Variants in DAB2IP observed in about 807,000 individuals in gnomAD.
The protein encoded by DAB2IP is disabled homolog 2-interacting protein.
DAB2IP carries 28 observed loss-of-function variants against 107.2 expected under a neutral mutation model. The ratio of observed to expected loss-of-function variants is 0.26; its 90% CI spans 0.19 to 0.36. DAB2IP has a LOEUF of 0.36. DAB2IP is among the 10% of genes least tolerant of loss of function. DAB2IP has a pLI of 1.00. For synonymous variants in DAB2IP, 755 were observed against 706.4 expected, an observed-to-expected ratio of 1.07 and a Z score of -1.09; for missense variants, 1,400 against 1,644.7, an observed-to-expected ratio of 0.85 and a Z score of 2.57.
intron 2 of DAB2IP, among the ~76,000 whole-genome samples, chr9:121,697,931 G>A (rs142925688): frequency 6.6e-6 from 1 of 152,348 alleles, no homozygotes; most frequent in Non-Finnish European, 1.5e-5. Flanking sequence ...TTACCTGTCT[G>A]AGCAAGCTTC....
chr9:121,768,878 C>T (rs1269778799), intron 10 of DAB2IP, among the ~76,000 whole-genome samples: 2 of 152,232 alleles, frequency 1.3e-5, no homozygotes, highest in African/African-American at 4.8e-5. Context: ...TCCGCATGCA[C>T]TCAGCCTTTA....
At chr9:121,642,515 G>A (rs1185310289) in intron 1 of DAB2IP, among the ~76,000 whole-genome samples, 5 of 136,924 alleles carry the variant, frequency 3.7e-5, no homozygotes, top group Admixed American at 7.7e-5. Context: ...TGTAGAGACA[G>A]GGTCTCACTG....
At chr9:121,681,396 G>A (rs1400644231) in intron 2 of DAB2IP, among the ~76,000 whole-genome samples, 1 of 152,162 alleles carries the variant, frequency 6.6e-6, no homozygotes, top group African/African-American at 2.4e-5. Context: ...TGTTTTCCCT[G>A]TAGTGGTGTC....
intron 1 of DAB2IP, among the ~76,000 whole-genome samples, chr9:121,669,472 T>C (rs1833586945): frequency 6.6e-6 from 1 of 151,908 alleles, no homozygotes. Flanking sequence ...TCTCAGAAAG[T>C]GTGTGTTAGG....
intron 3 of DAB2IP, among the ~76,000 whole-genome samples, chr9:121,716,943 A>G (rs1457371824): frequency 6.6e-6 from 1 of 152,150 alleles, no homozygotes; most frequent in Non-Finnish European, 1.5e-5. Context: ...AGTGAGTGGG[A>G]ACTCTGTCTC....
At chr9:121,728,437 G>C (rs1831350981) in intron 3 of DAB2IP, among the ~76,000 whole-genome samples, 3 of 152,206 alleles carry the variant, frequency 2.0e-5, no homozygotes, top group African/African-American at 7.2e-5. Context: ...TTTGCTAGTT[G>C]CGTGAATTTG....
chr9:121,712,414 A>G (rs915914466), intron 3 of DAB2IP, among the ~76,000 whole-genome samples: 3 of 152,202 alleles, frequency 2.0e-5, no homozygotes, highest in African/African-American at 7.2e-5. Context: ...GGTAAGAGCA[A>G]TGAGGGCCAG....
upstream of DAB2IP, among the ~76,000 whole-genome samples, chr9:121,647,230 C>A (rs1305795030): frequency 6.6e-6 from 1 of 152,192 alleles, no homozygotes; most frequent in Non-Finnish European, 1.5e-5. Context: ...ATCATCCCCC[C>A]TGTACAGAAT....
chr9:121,597,580 T>G (rs796396747), intron 1 of DAB2IP, among the ~76,000 whole-genome samples: 7 of 152,336 alleles, frequency 4.6e-5, no homozygotes, highest in Admixed American at 2.0e-4. Context: ...AGTAGAAACT[T>G]GTGTTCACCT....
chr9:121,609,526 C>G (rs548451204), intron 1 of DAB2IP, among the ~76,000 whole-genome samples: 250 of 152,352 alleles, frequency 1.6e-3, no homozygotes, highest in Middle Eastern at 3.4e-3. Flanking sequence ...TCCAGCAACA[C>G]TGACCTTTTC....
chr9:121,700,014 C>G (rs1049782078), intron 3 of DAB2IP, among the ~76,000 whole-genome samples: 1 of 152,210 alleles, frequency 6.6e-6, no homozygotes, highest in Non-Finnish European at 1.5e-5. Flanking sequence ...TGGGGGCTGG[C>G]GCTAGCAGAG....
chr9:121,756,245 G>A (rs1833468414), intron 3 of DAB2IP, among the ~76,000 whole-genome samples: 1 of 152,228 alleles, frequency 6.6e-6, no homozygotes, highest in African/African-American at 2.4e-5. Context: ...GCTCAGAGGA[G>A]AACGATTTCC....
At chr9:121,680,696 C>T (rs1430129789) in intron 2 of DAB2IP, among the ~76,000 whole-genome samples, 1 of 152,146 alleles carries the variant, frequency 6.6e-6, no homozygotes. Flanking sequence ...CTACTGTGTG[C>T]CAGGCACTGG....
Position 121,651,970 on chromosome 9 carries a change from CT to C in DAB2IP, c.124+72del, listed in dbSNP as rs1832761711. 2.1e-5 allele frequency: 25 copies of C among 1,199,424 alleles called. No homozygotes were observed. Among genetic ancestry groups the C allele is most frequent in the Non-Finnish European group, 2.3e-5 (22 of 952,940 alleles). 74.3% of individuals were successfully genotyped at this position (1,199,424 alleles called of 1,614,324 possible). A position where few individuals can be genotyped will look rare whatever the true frequency, so the allele number is the denominator to read the frequency against. On this transcript the variant is annotated intron_variant, in intron 1 of 15. Coordinates refer to ENST00000408936, the Ensembl canonical transcript of DAB2IP. The surrounding 1 kb of genome is among the most constrained non-coding windows in gnomAD (Gnocchi z 5.1). Reference sequence around the variant, plus strand: ...CTAAGCCACCTGATGCCCTGGGATGCTAGGGACCGGGATCCTCCTTCCAGCC... The same window carrying C: ...CTAAGCCACCTGATGCCCTGGGATGCAGGGACCGGGATCCTCCTTCCAGCC...
intron 3 of DAB2IP, among the ~76,000 whole-genome samples, chr9:121,703,711 G>GTGA (rs1382657734): frequency 6.6e-6 from 1 of 152,210 alleles, no homozygotes; most frequent in African/African-American, 2.4e-5. Flanking sequence ...TAAATAATGT[G>GTGA]TGAAAGAGGT....
intron 1 of DAB2IP, among the ~76,000 whole-genome samples, chr9:121,595,460 C>T (rs191404886): frequency 2.0e-5 from 3 of 150,226 alleles, no homozygotes; most frequent in East Asian, 3.9e-4. Context: ...AAAATTAGCC[C>T]GCCATGGTGG....
chr9:121,694,942 G>A (rs923045351), intron 2 of DAB2IP, among the ~76,000 whole-genome samples: 1 of 152,078 alleles, frequency 6.6e-6, no homozygotes, highest in Non-Finnish European at 1.5e-5. Context: ...ATGGGGACAT[G>A]GGCTGCTTTA....
chr9:121,578,056 G>T (rs1195604386), intron 1 of DAB2IP, among the ~76,000 whole-genome samples: 6 of 151,874 alleles, frequency 4.0e-5, no homozygotes, highest in Non-Finnish European at 8.8e-5. Context: ...AGGGAATCTG[G>T]GGGGTGGGTG....
intron 3 of DAB2IP, among the ~76,000 whole-genome samples, chr9:121,749,524 TCTTCC>T (rs1483367688): frequency 6.6e-6 from 1 of 152,224 alleles, no homozygotes; most frequent in African/African-American, 2.4e-5. Flanking sequence ...CCAGGATTTC[TCTTCC>T]TTCCAGACCT....
Sources: allele counts gnomAD v4.1 joint callset (sites outside exome capture counted in the v4.1 genomes callset), GRCh38; gene constraint gnomAD v4.1.1; non-coding constraint Gnocchi (gnomAD v3.1); transcripts MANE v1.5; gene names NCBI Gene and HGNC (gene_info 2026-07-23, HGNC 2026-07-21).